The following RPH3AL variants were observed in gnomAD, a reference collection of about 807,000 sequenced individuals.
RPH3AL encodes the protein rab effector Noc2.
A neutral mutation model predicts 43.1 loss-of-function variants in RPH3AL; 38 were observed. That is an observed-to-expected ratio of 0.88 (90% confidence interval 0.68 to 1.15). The LOEUF is 1.15. Ranked by LOEUF, RPH3AL falls within the 50% of genes most tolerant of loss-of-function variation. The pLI, the probability that RPH3AL is intolerant of heterozygous loss-of-function variation, is 0.00. For synonymous variants in RPH3AL, 189 were observed against 176.3 expected, an observed-to-expected ratio of 1.07 and a Z score of -0.57; for missense variants, 462 against 423.2, an observed-to-expected ratio of 1.09 and a Z score of -0.81.
chr17:267,809 C>T (rs897334956), intron 6 of RPH3AL, among the ~76,000 whole-genome samples: 1 of 147,996 alleles, frequency 6.8e-6, no homozygotes, highest in Admixed American at 6.9e-5. Flanking sequence ...CTCTCCAAAT[C>T]ACTGATTCAA....
chr17:276,536 C>T lies in RPH3AL; in HGVS notation c.438+5232G>A, dbSNP rs765571821. 2.4e-4 allele frequency among the ~76,000 whole-genome samples: 36 copies of T among 152,296 alleles called. No homozygotes were observed. In the Middle Eastern group the frequency reaches 0.01, roughly 43 times the overall value. Reference sequence around the variant, plus strand: ...CCTCCCAGGAAGCTGGGACTGCAGGCGCTCACCACGATGCCCAGCTAATTT... The same window carrying T: ...CCTCCCAGGAAGCTGGGACTGCAGGTGCTCACCACGATGCCCAGCTAATTT... On this transcript the variant is annotated intron_variant, in intron 6 of 9. Transcript: ENST00000331302.
intron 1 of RPH3AL, chr17:352,465 C>A (rs2045373052): frequency 6.6e-6 from 1 of 151,634 alleles, no homozygotes; most frequent in Non-Finnish European, 1.5e-5. Flanking sequence ...AGCAGCAGGA[C>A]CTGCGGCACG....
intron 5 of RPH3AL, among the ~76,000 whole-genome samples, chr17:298,860 G>A (rs573872330): frequency 6.6e-6 from 1 of 152,154 alleles, no homozygotes; most frequent in Non-Finnish European, 1.5e-5. Flanking sequence ...GTTATGCACA[G>A]AACGGAGCTC....
At chr17:243,353 C>A (rs1044909419) in intron 7 of RPH3AL, among the ~76,000 whole-genome samples, 1 of 138,008 alleles carries the variant, frequency 7.2e-6, no homozygotes, top group Non-Finnish European at 1.6e-5. Context: ...CTACTGATTA[C>A]CCTTCCTCTA....
intron 7 of RPH3AL, among the ~76,000 whole-genome samples, chr17:221,434 A>G (rs62059573): frequency 1.3e-4 from 9 of 67,790 alleles, no homozygotes; most frequent in Non-Finnish European, 2.1e-4. Context: ...GAGACAATAG[A>G]CCCAAGCACA....
chr17:240,918 C>T (rs564482437), intron 7 of RPH3AL, among the ~76,000 whole-genome samples: 139 of 151,916 alleles, frequency 9.1e-4, no homozygotes, highest in African/African-American at 7.0e-4. Context: ...ATGAGCTCGG[C>T]GTGTAGCGGG....
rs996380096 is a variant in RPH3AL at position 225,020 on chromosome 17, G to C, written c.614-5284C>G. 1.3e-5 allele frequency among the ~76,000 whole-genome samples: 2 copies of C among 151,208 alleles called. No individual in the cohort carries two copies. Among genetic ancestry groups the C allele is most frequent in the Non-Finnish European group, 1.5e-5 (1 of 67,928 alleles). ...AGGAGATATACCTAATGTAAATGAC[G>C]AGTTAATGGGTGCAGCACACCAACA... On this transcript the variant is annotated intron_variant, in intron 7 of 9. Transcript: ENST00000331302. This position sits in a 1 kb window ranked among gnomAD's most constrained non-coding sequence, Gnocchi z 4.4.
intron 7 of RPH3AL, among the ~76,000 whole-genome samples, chr17:235,461 G>T (rs369415885): frequency 0.011 from 1,112 of 101,840 alleles, 37 homozygotes; most frequent in Non-Finnish European, 0.013. Context: ...AGGGTTCAAA[G>T]CTGGGGTCGG....
At chr17:331,258 A>G in intron 2 of RPH3AL, 2 of 221,254 alleles carry the variant, frequency 9.0e-6, no homozygotes, top group Non-Finnish European at 1.9e-5. Flanking sequence ...AGAGCCACAG[A>G]GCCAAATGCT....
intron 8 of RPH3AL, among the ~76,000 whole-genome samples, chr17:218,366 C>T (rs1274444786): frequency 1.5e-5 from 2 of 132,924 alleles, no homozygotes; most frequent in African/African-American, 6.0e-5. Flanking sequence ...TTCTTCTGCG[C>T]TAAAATTGGC....
rs192170406 is a variant in RPH3AL at position 260,501 on chromosome 17, C to T, written c.439-13216G>A. ...AAGCAGAGGCACTGTCTCCAGGGGA[C>T]AGAGGGGAGACCTCGCCTTCAAGGG... On this transcript the variant is annotated intron_variant, in intron 6 of 9. Transcript: ENST00000331302. Among the ~76,000 whole-genome samples the T allele has an allele frequency of 4.6e-5, 7 of 152,312 alleles. No individual in the cohort carries two copies. The East Asian group carries it at 1.3e-3, about 29-fold the overall frequency.
chr17:272,762 TCACACACACACACA>T (rs71143491), intron 6 of RPH3AL, among the ~76,000 whole-genome samples: 2 of 145,754 alleles, frequency 1.4e-5, no homozygotes, highest in African/African-American at 5.1e-5. Flanking sequence ...ATTATTTAAG[TCACACACACACACA>T]CACACACACA....
intron 7 of RPH3AL, among the ~76,000 whole-genome samples, chr17:220,181 C>A (rs1555530588): frequency 6.0e-5 from 9 of 150,912 alleles, no homozygotes; most frequent in South Asian, 2.1e-4. Flanking sequence ...TAGACCCAAG[C>A]ACAACAGCTC....
At position 333,975 on chromosome 17, in the gene RPH3AL, C is replaced by G. The variant is rs780621733; in HGVS notation, c.-212-41G>C. 1 of 152,426 alleles carries G rather than the reference C, an allele frequency of 6.6e-6. No homozygotes were observed. Among genetic ancestry groups the G allele is most frequent in the Non-Finnish European group, 1.5e-5 (1 of 68,200 alleles). 9.4% of individuals were successfully genotyped at this position (152,426 alleles called of 1,614,324 possible). On this transcript the variant is annotated intron_variant, in intron 1 of 9. Coordinates refer to ENST00000331302, the MANE Select transcript of RPH3AL (RefSeq NM_006987.4). This position sits in a 1 kb window ranked among gnomAD's most constrained non-coding sequence, Gnocchi z 4.5. ...TAAATAAATAAAATAAAATAAAGGGCCTCTTCTTTGCAAACAGTTGCATCT... is the reference window on the plus strand; with the variant it reads ...TAAATAAATAAAATAAAATAAAGGGGCTCTTCTTTGCAAACAGTTGCATCT...
At chr17:302,288 T>C (rs1230002599) in intron 5 of RPH3AL, among the ~76,000 whole-genome samples, 1 of 152,190 alleles carries the variant, frequency 6.6e-6, no homozygotes, top group African/African-American at 2.4e-5. Flanking sequence ...CAGATTTTCA[T>C]CTGAGGTCAC....
chr17:226,152 C>T (rs545935565), intron 7 of RPH3AL, among the ~76,000 whole-genome samples: 2 of 152,264 alleles, frequency 1.3e-5, no homozygotes, highest in African/African-American at 4.8e-5. Context: ...TCACAAAAAA[C>T]AGGTAGAAAT....
chr17:302,616 G>A (rs1323035791), intron 5 of RPH3AL, among the ~76,000 whole-genome samples: 9 of 152,168 alleles, frequency 5.9e-5, no homozygotes, highest in South Asian at 2.1e-4. Flanking sequence ...GCCCGCCGTC[G>A]AGGGAGGGTG....
At chr17:304,798 A>G (rs117353913) in intron 5 of RPH3AL, among the ~76,000 whole-genome samples, 2,821 of 151,542 alleles carry the variant, frequency 0.019, 73 homozygotes, top group East Asian at 0.077. Context: ...CCATTTACAA[A>G]CATAAAACCA....
At chr17:298,704 C>CA (rs745555861) in intron 5 of RPH3AL, among the ~76,000 whole-genome samples, 4,512 of 36,172 alleles carry the variant, frequency 0.12, 209 homozygotes, top group African/African-American at 0.29. Flanking sequence ...GATGTTATCT[C>CA]AAAAAAAAAA....
Sources: allele counts gnomAD v4.1 joint callset (sites outside exome capture counted in the v4.1 genomes callset), GRCh38; gene constraint gnomAD v4.1.1; non-coding constraint Gnocchi (gnomAD v3.1); transcripts MANE v1.5; gene names NCBI Gene and HGNC (gene_info 2026-07-23, HGNC 2026-07-21).